The following SPATA16 variants were observed in gnomAD, a reference collection of about 807,000 sequenced individuals.
The protein encoded by SPATA16 is spermatogenesis-associated protein 16.
SPATA16 carries 36 observed loss-of-function variants against 63.3 expected under a neutral mutation model. The observed-to-expected ratio is 0.57, with a 90% CI of 0.44 to 0.75. The LOEUF is 0.75. SPATA16 is among the 30% of genes least tolerant of loss of function. SPATA16 has a pLI of 0.00. For missense variants in SPATA16, 646 were observed against 679.3 expected, an observed-to-expected ratio of 0.95 and a Z score of 0.54; for synonymous variants, 203 against 216.7, an observed-to-expected ratio of 0.94 and a Z score of 0.56.
At chr3:172,978,066 G>A (rs1734206079) in intron 4 of SPATA16, among the ~76,000 whole-genome samples, 2 of 150,948 alleles carry the variant, frequency 1.3e-5, no homozygotes, top group East Asian at 1.9e-4. Context: ...ACAAAAATTA[G>A]GACTCTAAAA....
At chr3:172,996,123 T>A (rs1169949628) in intron 4 of SPATA16, among the ~76,000 whole-genome samples, 1 of 152,126 alleles carries the variant, frequency 6.6e-6, no homozygotes, top group Non-Finnish European at 1.5e-5. Flanking sequence ...TTAGTTTTGC[T>A]TGATGTTTTC....
At chr3:172,983,307 A>G (rs748749088) in intron 4 of SPATA16, among the ~76,000 whole-genome samples, 1 of 148,688 alleles carries the variant, frequency 6.7e-6, no homozygotes, top group East Asian at 1.9e-4. Context: ...AGTTGCTTCC[A>G]TCTTTCTCCA....
At chr3:173,076,776 G>T (rs1240516618) in intron 2 of SPATA16, among the ~76,000 whole-genome samples, 1 of 152,054 alleles carries the variant, frequency 6.6e-6, no homozygotes, top group African/African-American at 2.4e-5. Flanking sequence ...GTATGTTTTT[G>T]CATAAATCCC....
Position 173,028,004 on chromosome 3 carries a change from TCCC to T in SPATA16, c.759-8432_759-8430del, listed in dbSNP as rs1560100895. Among the ~76,000 whole-genome samples the T allele has an allele frequency of 3.1e-3, 79 of 25,210 alleles. 2 individuals carry two copies. The highest frequency in any genetic ancestry group is 4.2e-3 in the Non-Finnish European group (61 of 14,672). The allele number at this position is 25,210 out of a possible 152,430, so 16.5% of individuals were successfully genotyped here. On this transcript the variant is annotated intron_variant, in intron 3 of 10. Transcript: ENST00000351008. ...CTCCCTCCCTCCCTCCCTCCCTCCC[TCCC>T]TCCCTCCCTTCCTTCTTTCCTTCCT...
At chr3:173,113,843 C>T (rs1188340430) in intron 2 of SPATA16, among the ~76,000 whole-genome samples, 1 of 152,178 alleles carries the variant, frequency 6.6e-6, no homozygotes, top group Non-Finnish European at 1.5e-5. Flanking sequence ...CAGTCCTCTA[C>T]ACACTCTTAC....
intron 4 of SPATA16, among the ~76,000 whole-genome samples, chr3:172,984,097 A>G (rs115672087): frequency 0.017 from 2,576 of 152,164 alleles, 77 homozygotes; most frequent in African/African-American, 0.057. Flanking sequence ...ACAACTAGCC[A>G]TCTGTGGTTA....
At chr3:172,918,861 T>C (rs1460217293) in intron 8 of SPATA16, among the ~76,000 whole-genome samples, 1 of 152,134 alleles carries the variant, frequency 6.6e-6, no homozygotes, top group African/African-American at 2.4e-5. Context: ...GTCAGAGAAC[T>C]GTCAAGATTT....
intron 2 of SPATA16, among the ~76,000 whole-genome samples, chr3:173,094,658 A>C (rs988572566): frequency 3.3e-5 from 5 of 151,738 alleles, no homozygotes; most frequent in African/African-American, 7.3e-5. Flanking sequence ...ATTGATGCAA[A>C]TAAGGTGTTA....
At chr3:173,037,314 G>A (rs1446799119) in intron 3 of SPATA16, among the ~76,000 whole-genome samples, 5 of 151,984 alleles carry the variant, frequency 3.3e-5, no homozygotes, top group Admixed American at 1.3e-4. Context: ...CAAAAACCAA[G>A]AACTACTTTC....
intron 1 of SPATA16, among the ~76,000 whole-genome samples, chr3:173,124,613 A>G (rs1213426917): frequency 6.6e-6 from 1 of 152,202 alleles, no homozygotes; most frequent in Non-Finnish European, 1.5e-5. Flanking sequence ...AAGAAAAACA[A>G]CAACAACAAA....
At chr3:172,925,928 C>T (rs1019376949) in intron 6 of SPATA16, among the ~76,000 whole-genome samples, 9 of 152,138 alleles carry the variant, frequency 5.9e-5, no homozygotes, top group Middle Eastern at 3.4e-3. Context: ...TGGGTTCAAG[C>T]GATTCTCCTG....
At chr3:173,068,832 C>T (rs563558766) in intron 2 of SPATA16, among the ~76,000 whole-genome samples, 8 of 133,090 alleles carry the variant, frequency 6.0e-5, no homozygotes, top group South Asian at 2.4e-4. Flanking sequence ...AAAAAAAGGC[C>T]GGGCGTGGTG....
intron 2 of SPATA16, among the ~76,000 whole-genome samples, chr3:173,102,255 C>T (rs1457698850): frequency 1.3e-5 from 2 of 152,164 alleles, no homozygotes; most frequent in Non-Finnish European, 2.9e-5. Context: ...ATTTTCTACC[C>T]AAAGAACTCT....
At chr3:173,064,456 C>T (rs1198172051) in intron 2 of SPATA16, among the ~76,000 whole-genome samples, 2 of 151,556 alleles carry the variant, frequency 1.3e-5, no homozygotes, top group Non-Finnish European at 2.9e-5. Flanking sequence ...TTGGCACAAA[C>T]TCCCTGTACA....
intron 4 of SPATA16, among the ~76,000 whole-genome samples, chr3:172,981,930 C>T (rs1734328829): frequency 6.6e-6 from 1 of 152,128 alleles, no homozygotes; most frequent in Non-Finnish European, 1.5e-5. Context: ...CAGAGGTGAG[C>T]AGTTACAAAG....
chr3:173,009,493 G>A (rs1577129838), intron 4 of SPATA16, among the ~76,000 whole-genome samples: 1 of 152,200 alleles, frequency 6.6e-6, no homozygotes, highest in African/African-American at 2.4e-5. Flanking sequence ...GAATCTGTGC[G>A]GAGGCACCAC....
chr3:173,029,517 G>T (rs1166786429), intron 3 of SPATA16, among the ~76,000 whole-genome samples: 1 of 151,178 alleles, frequency 6.6e-6, no homozygotes, highest in African/African-American at 2.4e-5. Context: ...ACCTTCACAT[G>T]CACTAGGTTG....
chr3:172,902,043 T>C (rs939053068), intron 10 of SPATA16, among the ~76,000 whole-genome samples: 3 of 152,122 alleles, frequency 2.0e-5, no homozygotes, highest in Non-Finnish European at 2.9e-5. Context: ...ATACCTTGTG[T>C]TTTTATTTTT....
At position 172,936,398 on chromosome 3, in the gene SPATA16, A is replaced by T. The variant is rs569814254; in HGVS notation, c.1082-10906T>A. On this transcript the variant is annotated intron_variant, in intron 6 of 10. Coordinates refer to ENST00000351008, the MANE Select transcript of SPATA16 (RefSeq NM_031955.6). Reference sequence around the variant, plus strand: ...AACACATTGAAGTTATAGGAGGGTGATATTCTCAGAAAAGATATGAAAGCT... The same window carrying T: ...AACACATTGAAGTTATAGGAGGGTGTTATTCTCAGAAAAGATATGAAAGCT... Among the ~76,000 whole-genome samples the T allele has an allele frequency of 1.6e-4, 24 of 152,312 alleles. No homozygotes were observed. In the South Asian group the frequency reaches 4.6e-3, roughly 29 times the overall value.
Sources: gnomAD v4.1 joint callset for allele counts (sites outside exome capture counted in the v4.1 genomes callset) on GRCh38, gnomAD v4.1.1 for gene constraint, MANE v1.5 for transcripts, NCBI Gene and HGNC (gene_info 2026-07-23, HGNC 2026-07-21) for gene names.